EXOC4: variants seen among roughly 807,000 people sequenced by gnomAD.
EXOC4 encodes SEC8-like 1.
Under a neutral mutation model 107.2 loss-of-function variants are expected in EXOC4, and 71 were observed. The ratio of observed to expected loss-of-function variants is 0.66; its 90% CI spans 0.55 to 0.81. The LOEUF (loss-of-function observed/expected upper bound fraction) is 0.81, where lower values mean the gene tolerates loss of function less well. Among genes scored for constraint, EXOC4 ranks in the 30% least tolerant of loss-of-function variants. EXOC4 has a pLI of 0.00. For missense variants in EXOC4, 1,108 were observed against 1,189.6 expected, an observed-to-expected ratio of 0.93 and a Z score of 1.01; for synonymous variants, 456 against 441.2, an observed-to-expected ratio of 1.03 and a Z score of -0.42.
chr7:133,444,483 G>T (rs1050390960), intron 7 of EXOC4, among the ~76,000 whole-genome samples: 2 of 152,114 alleles, frequency 1.3e-5, no homozygotes, highest in Admixed American at 6.5e-5. Flanking sequence ...CCTGCTTCCT[G>T]CCCCACGGAG....
intron 10 of EXOC4, among the ~76,000 whole-genome samples, chr7:133,751,458 G>C (rs953970048): frequency 3.9e-5 from 6 of 152,120 alleles, no homozygotes; most frequent in African/African-American, 1.4e-4. Flanking sequence ...ACCCAAAGTT[G>C]ATTTGTCAGC....
intron 14 of EXOC4, among the ~76,000 whole-genome samples, chr7:133,970,826 A>T (rs1177251277): frequency 1.3e-5 from 2 of 151,898 alleles, no homozygotes; most frequent in Non-Finnish European, 2.9e-5. Context: ...TGGGTTTTTA[A>T]ACTTCACTGC....
intron 6 of EXOC4, among the ~76,000 whole-genome samples, chr7:133,364,305 ATT>A (rs534789670): frequency 1.4e-4 from 19 of 139,102 alleles, no homozygotes; most frequent in East Asian, 8.3e-4. Context: ...TATTTAAAGT[ATT>A]TTTTTTTTTT....
At chr7:133,592,983 G>C (rs1315997785) in intron 9 of EXOC4, among the ~76,000 whole-genome samples, 1 of 152,106 alleles carries the variant, frequency 6.6e-6, no homozygotes, top group East Asian at 1.9e-4. Flanking sequence ...CTGACCTCAA[G>C]TTATCTGCCC....
At chr7:134,061,441 G>T (rs1563109124) in intron 17 of EXOC4, among the ~76,000 whole-genome samples, 1 of 152,140 alleles carries the variant, frequency 6.6e-6, no homozygotes, top group Non-Finnish European at 1.5e-5. Flanking sequence ...AGTCGTGGCT[G>T]GTTCAGAACC....
intron 7 of EXOC4, among the ~76,000 whole-genome samples, chr7:133,393,727 A>G (rs1440666692): frequency 1.3e-5 from 2 of 152,216 alleles, no homozygotes; most frequent in East Asian, 1.9e-4. Context: ...CTCACCAGAC[A>G]TTAAATTTGC....
At chr7:134,062,424 G>A (rs1427614688) in intron 17 of EXOC4, among the ~76,000 whole-genome samples, 1 of 152,084 alleles carries the variant, frequency 6.6e-6, no homozygotes, top group African/African-American at 2.4e-5. Context: ...CACAAAGATA[G>A]CTTCATTTCC....
At chr7:134,013,935 G>T (rs567702429) in intron 17 of EXOC4, among the ~76,000 whole-genome samples, 1 of 152,116 alleles carries the variant, frequency 6.6e-6, no homozygotes. Flanking sequence ...CTCATTTGCC[G>T]CTGGTAGAAA....
chr7:134,082,687 C>T, the EXOC4 span, among the ~76,000 whole-genome samples: 1 of 152,212 alleles, frequency 6.6e-6, no homozygotes, highest in Non-Finnish European at 1.5e-5. Flanking sequence ...GATCCACCTG[C>T]CTTGGCCTCC....
Position 134,051,815 on chromosome 7 carries a change from G to A in EXOC4, c.2688-12476G>A, listed in dbSNP as rs372115057. ...CCTGGCTAACACAGTGAAACCCTGT[G>A]TCTACTAAAAATACAAAAAAATTAG... On this transcript the variant is annotated intron_variant, in intron 17 of 17. Transcript: ENST00000253861. 2.5e-3 allele frequency among the ~76,000 whole-genome samples: 381 copies of A among 152,028 alleles called. 2 individuals carry two copies. The highest frequency in any genetic ancestry group is 4.4e-3 in the Non-Finnish European group (300 of 67,974).
intron 17 of EXOC4, among the ~76,000 whole-genome samples, chr7:134,052,477 G>C (rs1418305329): frequency 1.3e-5 from 2 of 151,296 alleles, no homozygotes; most frequent in Non-Finnish European, 2.9e-5. Context: ...GGGAAGGACT[G>C]ATTTTTTTTT....
intron 10 of EXOC4, among the ~76,000 whole-genome samples, chr7:133,671,545 C>T (rs761382062): frequency 6.6e-5 from 10 of 151,830 alleles, no homozygotes; most frequent in East Asian, 1.9e-4. Flanking sequence ...CCAGCCTGGG[C>T]GATAGAGCAA....
rs199516005 is a variant in EXOC4, at chr7:133,480,067, A to C, written c.1346A>C (p.His449Pro). ...CTCTGCAGGTTCGAATCGTCCTCCC[A>C]TGCCATCAGTATGAGCGCCTATCTG... The part of the protein sequence containing the change: ...NSLFKFESSS[H>P]AISMSAYLRE... The change falls in exon 9 of 18, where the codon CAT becomes CCT. Residue 449 changes from histidine to proline, a missense_variant. Transcript: ENST00000253861. The C allele has an allele frequency of 6.2e-7, 1 of 1,613,968 alleles. No individual in the cohort carries two copies. Among genetic ancestry groups the C allele is most frequent in the South Asian group, 1.1e-5 (1 of 91,074 alleles).
At chr7:133,354,698 C>T (rs1465789131) in intron 5 of EXOC4, among the ~76,000 whole-genome samples, 2 of 152,144 alleles carry the variant, frequency 1.3e-5, no homozygotes, top group Non-Finnish European at 2.9e-5. Flanking sequence ...TGATACTTGG[C>T]AGGCAGGGTT....
chr7:133,603,198 T>C (rs554944802), intron 9 of EXOC4, among the ~76,000 whole-genome samples: 9 of 152,222 alleles, frequency 5.9e-5, no homozygotes, highest in Admixed American at 5.9e-4. Flanking sequence ...CTGTAGGTTA[T>C]GAAGTGCTTG....
intron 14 of EXOC4, among the ~76,000 whole-genome samples, chr7:133,979,469 A>G (rs1238901609): frequency 5.9e-5 from 9 of 152,260 alleles, no homozygotes; most frequent in South Asian, 2.1e-4. Flanking sequence ...GGCTTTGGTG[A>G]ATATTCTTTG....
At chr7:133,327,401 A>G (rs1795274069) in intron 5 of EXOC4, among the ~76,000 whole-genome samples, 1 of 151,842 alleles carries the variant, frequency 6.6e-6, no homozygotes, top group African/African-American at 2.4e-5. Context: ...GGATTCATTG[A>G]TTTTTTTTGA....
At chr7:133,482,252 C>G (rs1490086248) in intron 9 of EXOC4, among the ~76,000 whole-genome samples, 1 of 152,120 alleles carries the variant, frequency 6.6e-6, no homozygotes, top group African/African-American at 2.4e-5. Flanking sequence ...GAACAGAGTT[C>G]CTGTGTGCCC....
At chr7:133,284,026 A>T (rs1794218874) in intron 2 of EXOC4, among the ~76,000 whole-genome samples, 1 of 152,180 alleles carries the variant, frequency 6.6e-6, no homozygotes, top group African/African-American at 2.4e-5. Flanking sequence ...AAGTTCCTGT[A>T]GTTTCTTTGG....
Sources: gnomAD v4.1 joint callset for allele counts (sites outside exome capture counted in the v4.1 genomes callset) on GRCh38, gnomAD v4.1.1 for gene constraint, MANE v1.5 for transcripts, NCBI Gene and HGNC (gene_info 2026-07-23, HGNC 2026-07-21) for gene names.